ARL14EP: variants seen among roughly 807,000 people sequenced by gnomAD.
The protein encoded by ARL14EP is ARF like GTPase 14 effector protein.
In ARL14EP, 12 loss-of-function variants were observed where a neutral mutation model predicts 23.1. That is an observed-to-expected ratio of 0.52 (90% CI 0.33 to 0.84). The LOEUF is 0.84. ARL14EP is among the 40% of genes least tolerant of loss of function. The pLI, the probability that ARL14EP is intolerant of heterozygous loss-of-function variation, is 0.02. For missense variants in ARL14EP, 253 were observed against 307.3 expected, an observed-to-expected ratio of 0.82 and a Z score of 1.32; for synonymous variants, 97 against 102.0, an observed-to-expected ratio of 0.95 and a Z score of 0.29.
At chr11:30,329,383 A>T (rs1463167222) in intron 1 of ARL14EP, 3 of 152,152 alleles carry the variant, frequency 2.0e-5, no homozygotes, top group Admixed American at 6.5e-5. Context: ...TTTCACTGCC[A>T]AAGGCAGTGA....
intron 1 of ARL14EP, among the ~76,000 whole-genome samples, chr11:30,325,758 G>A (rs1276184937): frequency 6.6e-6 from 1 of 152,136 alleles, no homozygotes; most frequent in Admixed American, 6.5e-5. Context: ...ATTAAAAGTA[G>A]ACATGTTTAT....
chr11:30,329,244 A>G (rs555161389), intron 1 of ARL14EP: 48 of 152,224 alleles, frequency 3.2e-4, no homozygotes, highest in African/African-American at 1.1e-3. Context: ...TTTTTCACTT[A>G]AGATTGTCTT....
intron 2 of ARL14EP, 122 bp downstream of exon 2, chr11:30,331,496 G>T (rs1947283097): frequency 2.0e-6 from 3 of 1,522,038 alleles, no homozygotes; most frequent in African/African-American, 1.4e-5. Flanking sequence ...ATTAAAAGGA[G>T]GGGTGAAAGT....
intron 1 of ARL14EP, 37 bp from the exon 2 acceptor site, chr11:30,330,849 G>T (rs1947276285): frequency 8.8e-7 from 1 of 1,132,654 alleles, no homozygotes; most frequent in East Asian, 2.6e-5. Context: ...AGATAAACTT[G>T]CAGCACAAAT....
At chr11:30,324,512 G>A (rs1169482216) in intron 1 of ARL14EP, among the ~76,000 whole-genome samples, 1 of 152,132 alleles carries the variant, frequency 6.6e-6, no homozygotes, top group Non-Finnish European at 1.5e-5. Context: ...TCCCTCTGCT[G>A]TTGTTTTGTT....
At chr11:30,329,834 C>T (rs1947268064) in intron 1 of ARL14EP, 1 of 151,872 alleles carries the variant, frequency 6.6e-6, no homozygotes, top group African/African-American at 2.4e-5. Flanking sequence ...ATCCTAACAC[C>T]TTTCAAGTGT....
chr11:30,325,867 A>G lies in ARL14EP; in HGVS notation c.-64+2665A>G, dbSNP rs1321865156. Among the ~76,000 whole-genome samples the G allele has an allele frequency of 7.2e-5, 11 of 152,334 alleles. No homozygotes were observed. In the South Asian group the frequency reaches 2.3e-3, roughly 32 times the overall value. On this transcript the variant is annotated intron_variant, in intron 1 of 3. Transcript: ENST00000282032. The stretch of plus-strand genomic sequence containing the variant: ...TGAACCTTCAGCAGATAGAATTTAC[A>G]AGAATACAGACAATTATTTTGCATT...
intron 1 of ARL14EP, among the ~76,000 whole-genome samples, chr11:30,327,330 A>C (rs1947244214): frequency 6.6e-6 from 1 of 152,186 alleles, no homozygotes; most frequent in Non-Finnish European, 1.5e-5. Context: ...ACTCCCCAAT[A>C]ACTAAGGAAA....
Position 30,330,992 on chromosome 11 carries a change from A to G in ARL14EP, c.44A>G (p.Asn15Ser). 1 of 1,613,890 alleles carries G rather than the reference A, an allele frequency of 6.2e-7. No homozygotes were observed. Among genetic ancestry groups the G allele is most frequent in the Non-Finnish European group, 8.5e-7 (1 of 1,179,806 alleles). Residue 15 changes from asparagine (N) to serine (S), a missense_variant, in exon 2 of 4, where the codon AAT becomes AGT. Physicochemically the swap from Asn to Ser is conservative, Grantham distance 46 (BLOSUM62 1). Transcript: ENST00000282032. ...GTTGGAGTCCAGCTTCGTACTACAA[A>G]TGAGTGCCATAAAACCTACTATACT... ...CSVGVQLRTT[N>S]ECHKTYYTRH... is the part of the protein sequence containing the mutation.
chr11:30,337,518 G>C lies in ARL14EP; in HGVS notation c.*723G>C, dbSNP rs1947343338. Reference sequence around the variant, plus strand: ...ATTTGTAGAAGAAGTCACTGACCATGGGAATGTTGTTCTTGCTGCTGTGTA... The same window carrying C: ...ATTTGTAGAAGAAGTCACTGACCATCGGAATGTTGTTCTTGCTGCTGTGTA... On this transcript the variant is annotated 3_prime_UTR_variant, in exon 4 of 4. Transcript: ENST00000282032. The C allele has an allele frequency of 6.6e-6, 1 of 152,258 alleles. No individual in the cohort carries two copies. The highest frequency in any genetic ancestry group is 6.5e-5 in the Admixed American group (1 of 15,274). 9.4% of individuals were successfully genotyped at this position (152,258 alleles called of 1,614,324 possible).
At position 30,333,966 on chromosome 11, in the gene ARL14EP, C is replaced by T. The variant is rs1380490431; in HGVS notation, c.554+973C>T. 5.3e-5 allele frequency among the ~76,000 whole-genome samples: 8 copies of T among 152,272 alleles called. No individual in the cohort carries two copies. The East Asian group carries it at 1.4e-3, about 26-fold the overall frequency. ...TAAATGGTCTGGATAGAAGATCAAA[C>T]CAGCTACAACACATTCCCTTAAGCA... On this transcript the variant is annotated intron_variant, in intron 3 of 3. Coordinates refer to ENST00000282032, the MANE Select transcript of ARL14EP (RefSeq NM_152316.3).
intron 3 of ARL14EP, among the ~76,000 whole-genome samples, chr11:30,335,776 A>G (rs1717778): frequency 0.13 from 19,605 of 146,820 alleles, 1,305 homozygotes; most frequent in Admixed American, 0.2. Context: ...ATATATATAT[A>G]TGTGTGTGTG....
chr11:30,331,604 C>T, intron 2 of ARL14EP: 4 of 1,379,642 alleles, frequency 2.9e-6, no homozygotes, highest in Non-Finnish European at 3.7e-6. Context: ...ATGCCTAAGA[C>T]TCCAAGCTAC....
At chr11:30,330,299 A>G (rs1947271935) in intron 1 of ARL14EP, 1 of 152,434 alleles carries the variant, frequency 6.6e-6, no homozygotes, top group South Asian at 2.1e-4. Flanking sequence ...TTGCTCTTTC[A>G]TATAGACCAG....
Position 30,336,905 on chromosome 11 carries a change from T to A in ARL14EP, c.*110T>A, listed in dbSNP as rs1947337643. ...ATATGACAAAGATTTTAAAACCATC[T>A]CAGTGTGCCCTAATTTTTCATCTTG... On this transcript the variant is annotated 3_prime_UTR_variant, in exon 4 of 4. Coordinates refer to ENST00000282032, the MANE Select transcript of ARL14EP (RefSeq NM_152316.3). The A allele has an allele frequency of 2.0e-6, 2 of 1,009,344 alleles. No homozygotes were observed. The highest frequency in any genetic ancestry group is 1.4e-5 in the South Asian group (1 of 71,336). 62.5% of individuals were successfully genotyped at this position (1,009,344 alleles called of 1,614,324 possible).
Position 30,334,208 on chromosome 11 carries a change from C to CTTTTTTTTTTTT in ARL14EP, c.554+1229_554+1240dup, listed in dbSNP as rs36111177. Among the ~76,000 whole-genome samples the CTTTTTTTTTTTT allele has an allele frequency of 2.3e-3, 195 of 86,024 alleles. 10 individuals carry two copies. The highest frequency in any genetic ancestry group is 8.3e-3 in the Middle Eastern group (1 of 120). The allele number at this position is 86,024 out of a possible 152,430, so 56.4% of individuals were successfully genotyped here. A position where few individuals can be genotyped will look rare whatever the true frequency, so the allele number is the denominator to read the frequency against. Reference sequence around the variant, plus strand: ...CAGATTTTCAATGTAGACCAGCCTTCTTTTTTTTTTTTTTTTTTTTTTTTT... The same window carrying CTTTTTTTTTTTT: ...CAGATTTTCAATGTAGACCAGCCTTCTTTTTTTTTTTTTTTTTTTTTTTTTTTTTTTTTTTTT... On this transcript the variant is annotated intron_variant, in intron 3 of 3. Coordinates refer to ENST00000282032, the MANE Select transcript of ARL14EP (RefSeq NM_152316.3).
In ARL14EP at chr11:30,338,040, T is replaced by C. The variant is rs1947348134; in HGVS notation, c.*1245T>C. 1 of 152,166 alleles carries C rather than the reference T, an allele frequency of 6.6e-6. No homozygotes were observed. The highest frequency in any genetic ancestry group is 1.5e-5 in the Non-Finnish European group (1 of 68,026). 9.4% of individuals were successfully genotyped at this position (152,166 alleles called of 1,614,324 possible). ...TAAGATTGCAGGACCATTTTTATGG[T>C]CCCACAGTACCATGTGAAATGAGGA... On this transcript the variant is annotated 3_prime_UTR_variant, in exon 4 of 4. Transcript: ENST00000282032.
intron 3 of ARL14EP, among the ~76,000 whole-genome samples, chr11:30,334,878 A>G: frequency 6.6e-6 from 1 of 152,218 alleles, no homozygotes; most frequent in East Asian, 1.9e-4. Context: ...TCTGATAGAG[A>G]TGTCCCAGGA....
chr11:30,327,673 G>A (rs539702190), intron 1 of ARL14EP, among the ~76,000 whole-genome samples: 3 of 152,052 alleles, frequency 2.0e-5, no homozygotes, highest in African/African-American at 7.2e-5. Context: ...ATTAAGAAAG[G>A]TCAGGCCAGG....
Sources: allele counts gnomAD v4.1 joint callset (sites outside exome capture counted in the v4.1 genomes callset), GRCh38; gene constraint gnomAD v4.1.1; transcripts MANE v1.5; gene names NCBI Gene and HGNC (gene_info 2026-07-23, HGNC 2026-07-21).